The following PPM1L variants were observed in gnomAD, a reference collection of about 807,000 sequenced individuals.
PPM1L encodes protein phosphatase 1L.
PPM1L carries 13 observed loss-of-function variants against 31.4 expected under a neutral mutation model. The ratio of observed to expected loss-of-function variants is 0.41; its 90% CI spans 0.27 to 0.66. The LOEUF (loss-of-function observed/expected upper bound fraction) is 0.66. PPM1L is among the 30% of genes least tolerant of loss of function. The pLI, the probability that PPM1L is intolerant of heterozygous loss-of-function variation, is 0.29. For synonymous variants in PPM1L, 184 were observed against 175.4 expected, an observed-to-expected ratio of 1.05 and a Z score of -0.39; for missense variants, 326 against 453.7, an observed-to-expected ratio of 0.72 and a Z score of 2.56.
At chr3:161,012,515 G>A (rs1325428246) in intron 2 of PPM1L, among the ~76,000 whole-genome samples, 2 of 151,832 alleles carry the variant, frequency 1.3e-5, no homozygotes, top group African/African-American at 4.8e-5. Context: ...TTTGGTATCA[G>A]GATGATGCTG....
At chr3:160,949,995 A>G (rs1186783582) in intron 1 of PPM1L, among the ~76,000 whole-genome samples, 2 of 152,228 alleles carry the variant, frequency 1.3e-5, no homozygotes, top group African/African-American at 4.8e-5. Flanking sequence ...TTAGCCTCAA[A>G]TAAGCTTTGA....
chr3:160,789,232 A>G (rs79049648), intron 1 of PPM1L, among the ~76,000 whole-genome samples: 2,583 of 152,004 alleles, frequency 0.017, 70 homozygotes, highest in African/African-American at 0.059. Context: ...TTTTAGTTAC[A>G]GTCTTAGAAA....
chr3:160,800,465 T>C (rs1004652970), intron 1 of PPM1L, among the ~76,000 whole-genome samples: 2 of 152,150 alleles, frequency 1.3e-5, no homozygotes, highest in African/African-American at 2.4e-5. Flanking sequence ...AAATACATGA[T>C]ATATTGAGGT....
chr3:160,894,098 G>T (rs1252503073), intron 1 of PPM1L, among the ~76,000 whole-genome samples: 2 of 152,156 alleles, frequency 1.3e-5, no homozygotes, highest in African/African-American at 4.8e-5. Flanking sequence ...TATTTTCAAT[G>T]TATGATGGGT....
At chr3:160,959,505 A>C (rs1715885009) in intron 1 of PPM1L, among the ~76,000 whole-genome samples, 1 of 152,236 alleles carries the variant, frequency 6.6e-6, no homozygotes, top group Non-Finnish European at 1.5e-5. Context: ...TACAATAGTA[A>C]GAACATGGAA....
chr3:160,804,546 C>T (rs1712539067), intron 1 of PPM1L, among the ~76,000 whole-genome samples: 1 of 152,132 alleles, frequency 6.6e-6, no homozygotes, highest in African/African-American at 2.4e-5. Context: ...TGGACAGTAC[C>T]TCTGCCCATT....
chr3:160,762,676 G>A (rs901812222), intron 1 of PPM1L, among the ~76,000 whole-genome samples: 1 of 152,286 alleles, frequency 6.6e-6, no homozygotes, highest in South Asian at 2.1e-4. Context: ...ACATTTAATT[G>A]TATCCTAGCA....
At chr3:160,998,324 A>T (rs1351302777) in intron 2 of PPM1L, among the ~76,000 whole-genome samples, 1 of 152,186 alleles carries the variant, frequency 6.6e-6, no homozygotes, top group East Asian at 1.9e-4. Context: ...CCTGTGTCTC[A>T]CTAGTTGTTA....
chr3:160,972,139 A>G (rs562651008), intron 2 of PPM1L, among the ~76,000 whole-genome samples: 2 of 152,242 alleles, frequency 1.3e-5, no homozygotes, highest in East Asian at 3.9e-4. Flanking sequence ...TTAATATGCT[A>G]TCAGCATTGC....
chr3:160,778,175 G>A (rs1326079304), intron 1 of PPM1L, among the ~76,000 whole-genome samples: 1 of 151,426 alleles, frequency 6.6e-6, no homozygotes, highest in African/African-American at 2.4e-5. Context: ...TTGGCTTTCT[G>A]TATGTCATCT....
At chr3:160,860,588 G>A (rs1268475276) in intron 1 of PPM1L, among the ~76,000 whole-genome samples, 1 of 152,214 alleles carries the variant, frequency 6.6e-6, no homozygotes, top group African/African-American at 2.4e-5. Context: ...CACTTAGACA[G>A]TGGAATCCCT....
chr3:160,984,852 T>C (rs1716912531), intron 2 of PPM1L, among the ~76,000 whole-genome samples: 1 of 152,222 alleles, frequency 6.6e-6, no homozygotes, highest in South Asian at 2.1e-4. Flanking sequence ...TCCACCCCCA[T>C]GGGACATTTG....
intron 1 of PPM1L, among the ~76,000 whole-genome samples, chr3:160,889,318 A>G (rs1376907643): frequency 1.3e-5 from 2 of 152,224 alleles, no homozygotes; most frequent in African/African-American, 4.8e-5. Context: ...TAACGGGGAT[A>G]TCACCACTGA....
intron 2 of PPM1L, among the ~76,000 whole-genome samples, chr3:161,011,674 GTA>G (rs1717900708): frequency 1.3e-5 from 2 of 152,214 alleles, no homozygotes; most frequent in South Asian, 4.2e-4. Context: ...CCATTTGTTT[GTA>G]TCCTCTTTTA....
In PPM1L at chr3:160,893,331, A is replaced by G. The variant is rs531704718; in HGVS notation, c.400-68405A>G. Among the ~76,000 whole-genome samples, 4 of 152,296 alleles carry G rather than the reference A, an allele frequency of 2.6e-5. No homozygotes were observed. In the East Asian group the frequency reaches 7.7e-4, roughly 29 times the overall value. ...GTTGCCAGCATTCATACCTCCTGAG[A>G]TGTTTCTAAAAGCATCATGAATAGT... On this transcript the variant is annotated intron_variant, in intron 1 of 3. Coordinates refer to ENST00000498165, the MANE Select transcript of PPM1L (RefSeq NM_139245.4).
intron 1 of PPM1L, among the ~76,000 whole-genome samples, chr3:160,863,954 A>G (rs1477249962): frequency 6.6e-6 from 1 of 152,192 alleles, no homozygotes; most frequent in Non-Finnish European, 1.5e-5. Flanking sequence ...CTAGATGGAT[A>G]TAGGTAGATG....
chr3:160,952,907 C>G (rs750244164), intron 1 of PPM1L, among the ~76,000 whole-genome samples: 1 of 152,120 alleles, frequency 6.6e-6, no homozygotes, highest in Non-Finnish European at 1.5e-5. Context: ...GGGTTTCTCT[C>G]TCTTTTCAGA....
chr3:160,976,839 A>T (rs991222912), intron 2 of PPM1L, among the ~76,000 whole-genome samples: 1 of 151,944 alleles, frequency 6.6e-6, no homozygotes, highest in African/African-American at 2.4e-5. Context: ...TGGATTCATT[A>T]ATTTTTTGAA....
chr3:160,839,850 G>T (rs753357401), intron 1 of PPM1L, among the ~76,000 whole-genome samples: 1 of 152,128 alleles, frequency 6.6e-6, no homozygotes, highest in Non-Finnish European at 1.5e-5. Context: ...AGTAATGAAT[G>T]AAATTTTGGG....
Sources: gnomAD v4.1 joint callset for allele counts (sites outside exome capture counted in the v4.1 genomes callset) on GRCh38, gnomAD v4.1.1 for gene constraint, MANE v1.5 for transcripts, NCBI Gene and HGNC (gene_info 2026-07-23, HGNC 2026-07-21) for gene names.